The following DNAJC6 variants were observed in gnomAD, a reference collection of about 807,000 sequenced individuals.
DNAJC6 encodes the protein auxilin.
Under a neutral mutation model 110.0 loss-of-function variants are expected in DNAJC6, and 34 were observed. The ratio of observed to expected loss-of-function variants is 0.31; its 90% CI spans 0.24 to 0.41. The LOEUF (loss-of-function observed/expected upper bound fraction) is 0.41, where lower values mean the gene tolerates loss of function less well. Among genes scored for constraint, DNAJC6 ranks in the 10% least tolerant of loss-of-function variants. The pLI, the probability that DNAJC6 is intolerant of heterozygous loss-of-function variation, is 1.00. For synonymous variants in DNAJC6, 406 were observed against 437.2 expected (o/e 0.93, Z 0.89); for missense variants, 1,031 against 1,207.8 (o/e 0.85, Z 2.17).
chr1:65,327,891 T>A (rs1395836167), intron 1 of DNAJC6, among the ~76,000 whole-genome samples: 1 of 152,208 alleles, frequency 6.6e-6, no homozygotes, highest in African/African-American at 2.4e-5. Context: ...TGCTTTTTTT[T>A]AATGGTAGAG....
At chr1:65,298,486 T>C (rs1268876176) in intron 1 of DNAJC6, among the ~76,000 whole-genome samples, 1 of 152,166 alleles carries the variant, frequency 6.6e-6, no homozygotes, top group Non-Finnish European at 1.5e-5. Flanking sequence ...TTGCCACAAT[T>C]CTAGTACAGA....
chr1:65,314,200 A>G (rs1645127913), intron 1 of DNAJC6, among the ~76,000 whole-genome samples: 1 of 151,626 alleles, frequency 6.6e-6, no homozygotes, highest in Non-Finnish European at 1.5e-5. Flanking sequence ...AAAATATTGT[A>G]TATATTAAAA....
intron 4 of DNAJC6, among the ~76,000 whole-genome samples, chr1:65,370,149 G>A (rs1269240268): frequency 6.6e-6 from 1 of 152,102 alleles, no homozygotes; most frequent in Admixed American, 6.6e-5. Flanking sequence ...AGATGCATCA[G>A]TTAAACCAGA....
At chr1:65,289,199 T>C (rs78518707) in intron 1 of DNAJC6, among the ~76,000 whole-genome samples, 1 of 149,138 alleles carries the variant, frequency 6.7e-6, no homozygotes, top group Non-Finnish European at 1.5e-5. Context: ...GTCATTTAAA[T>C]TTTTTTTTTT....
intron 11 of DNAJC6, 22 bp from the exon 12 acceptor site, chr1:65,392,409 A>G (rs1337710152): frequency 1.9e-6 from 3 of 1,555,382 alleles, no homozygotes; most frequent in Middle Eastern, 3.7e-4. Context: ...CTAATCTCTT[A>G]TGGTATACTG....
chr1:65,326,523 T>C (rs1645243313), intron 1 of DNAJC6, among the ~76,000 whole-genome samples: 1 of 152,198 alleles, frequency 6.6e-6, no homozygotes, highest in Non-Finnish European at 1.5e-5. Context: ...AGTCAGTCTA[T>C]TTAAAACATA....
At chr1:65,393,806 A>T (rs1166220619) in intron 12 of DNAJC6, among the ~76,000 whole-genome samples, 1 of 152,156 alleles carries the variant, frequency 6.6e-6, no homozygotes, top group Non-Finnish European at 1.5e-5. Context: ...ATAGTATCCT[A>T]TAGGAACATT....
At chr1:65,380,404 T>C (rs996354093) in intron 5 of DNAJC6, among the ~76,000 whole-genome samples, 7 of 152,222 alleles carry the variant, frequency 4.6e-5, no homozygotes, top group Admixed American at 6.5e-5. Context: ...CCCTGTCCTT[T>C]CTTGAGAGCC....
intron 1 of DNAJC6, among the ~76,000 whole-genome samples, chr1:65,316,638 A>G (rs1484176533): frequency 6.6e-6 from 1 of 152,250 alleles, no homozygotes; most frequent in East Asian, 1.9e-4. Flanking sequence ...GGCATTTATA[A>G]TGAAATATGC....
chr1:65,324,430 G>A (rs542931738), intron 1 of DNAJC6, among the ~76,000 whole-genome samples: 3 of 151,752 alleles, frequency 2.0e-5, no homozygotes, highest in Non-Finnish European at 1.5e-5. Flanking sequence ...TGTGATCTCC[G>A]CTCACTGCAA....
In DNAJC6 at chr1:65,385,728, T is replaced by A; in HGVS notation, c.817T>A (p.Cys273Ser). ...PSHRRYLGYM[C>S]DLLADKPYRP... ...CTGTTTCAGATACCTGGGCTATATGTGTGACCTACTGGCAGACAAGCCCTA... is the reference window on the plus strand; with the variant it reads ...CTGTTTCAGATACCTGGGCTATATGAGTGACCTACTGGCAGACAAGCCCTA... Residue 273 changes from cysteine (C) to serine (S), a missense_variant, in exon 7 of 19, where the codon TGT becomes AGT. By Grantham distance (112) the Cys-to-Ser change is moderately radical. Coordinates refer to ENST00000371069, the MANE Select transcript of DNAJC6 (RefSeq NM_001256864.2). The A allele has an allele frequency of 6.2e-7, 1 of 1,610,826 alleles. No homozygotes were observed. The highest frequency in any genetic ancestry group is 8.5e-7 in the Non-Finnish European group (1 of 1,177,560).
chr1:65,334,025 G>T (rs1013796380), intron 1 of DNAJC6, among the ~76,000 whole-genome samples: 3 of 152,158 alleles, frequency 2.0e-5, no homozygotes, highest in Non-Finnish European at 4.4e-5. Context: ...TTTTGACTTA[G>T]ATCACATAAT....
intron 1 of DNAJC6, among the ~76,000 whole-genome samples, chr1:65,325,804 A>G (rs1039297258): frequency 2.0e-5 from 3 of 152,248 alleles, no homozygotes; most frequent in South Asian, 2.1e-4. Flanking sequence ...ATAGCCTGCT[A>G]TGCACTTAGG....
chr1:65,309,584 C>A lies in DNAJC6; in HGVS notation c.-162C>A. On this transcript the variant is annotated 5_prime_UTR_variant, in exon 1 of 19. Transcript: ENST00000371069. ...AGGGCGGCGGCTTCGCCTCGCCCGG[C>A]GAAGCTTCTCTCCGGTGGCCGCTCC... The A allele has an allele frequency of 7.7e-7, 1 of 1,292,042 alleles. No individual in the cohort carries two copies. Among genetic ancestry groups the A allele is most frequent in the Non-Finnish European group, 9.8e-7 (1 of 1,023,754 alleles). The allele number at this position is 1,292,042 out of a possible 1,614,324, so 80.0% of individuals were successfully genotyped here. A position where few individuals can be genotyped will look rare whatever the true frequency, so the allele number is the denominator to read the frequency against.
At chr1:65,304,300 A>T (rs1645017376) in intron 1 of DNAJC6, among the ~76,000 whole-genome samples, 1 of 152,180 alleles carries the variant, frequency 6.6e-6, no homozygotes, top group Non-Finnish European at 1.5e-5. Flanking sequence ...GAAACATTAT[A>T]GGAATAGTTC....
intron 1 of DNAJC6, among the ~76,000 whole-genome samples, chr1:65,276,173 C>T (rs1464889849): frequency 2.6e-5 from 4 of 152,164 alleles, no homozygotes; most frequent in Admixed American, 1.3e-4. Context: ...TGGGCCACCG[C>T]GCCCAGCCTC....
chr1:65,413,086 C>A lies in DNAJC6; in HGVS notation c.*61C>A. On this transcript the variant is annotated 3_prime_UTR_variant, in exon 19 of 19. Coordinates refer to ENST00000371069, the MANE Select transcript of DNAJC6 (RefSeq NM_001256864.2). ...CTAATGCTTAGTGTGTGTCACAATT[C>A]TGAGGTTTTCGCAGATGAACCAAAA... The A allele has an allele frequency of 6.7e-7, 1 of 1,498,004 alleles. No individual in the cohort carries two copies. The highest frequency in any genetic ancestry group is 9.2e-7 in the Non-Finnish European group (1 of 1,091,370). The allele number at this position is 1,498,004 out of a possible 1,614,324, so 92.8% of individuals were successfully genotyped here. A position where few individuals can be genotyped will look rare whatever the true frequency, so the allele number is the denominator to read the frequency against.
intron 5 of DNAJC6, among the ~76,000 whole-genome samples, chr1:65,382,972 G>A (rs1300878640): frequency 6.6e-6 from 1 of 152,200 alleles, no homozygotes; most frequent in African/African-American, 2.4e-5. Flanking sequence ...GGGTATTTCA[G>A]ATATGTGAAG....
intron 1 of DNAJC6, among the ~76,000 whole-genome samples, chr1:65,296,669 C>A (rs1321744060): frequency 6.8e-6 from 1 of 146,292 alleles, no homozygotes; most frequent in African/African-American, 2.5e-5. Flanking sequence ...CTCACTGCAA[C>A]ATCCACCTTC....
Sources: allele counts gnomAD v4.1 joint callset (sites outside exome capture counted in the v4.1 genomes callset), GRCh38; gene constraint gnomAD v4.1.1; transcripts MANE v1.5; gene names NCBI Gene and HGNC (gene_info 2026-07-23, HGNC 2026-07-21).